MPPED1: variants seen among roughly 807,000 people sequenced by gnomAD.
MPPED1 encodes metallophosphoesterase domain-containing protein 1.
In MPPED1, 16 loss-of-function variants were observed where a neutral mutation model predicts 36.2. The ratio of observed to expected loss-of-function variants is 0.44; its 90% CI spans 0.30 to 0.67. MPPED1 has a LOEUF of 0.67. MPPED1 is among the 30% of genes least tolerant of loss of function. MPPED1 has a pLI of 0.10. For synonymous variants in MPPED1, 199 were observed against 191.3 expected (o/e 1.04, Z -0.33); for missense variants, 307 against 453.4 (o/e 0.68, Z 2.93).
chr22:43,425,738 C>T (rs771503638), intron 2 of MPPED1, among the ~76,000 whole-genome samples: 6 of 152,262 alleles, frequency 3.9e-5, no homozygotes, highest in Admixed American at 3.9e-4. Context: ...GTTTCCCCTC[C>T]CTGCCCTTCC....
intron 1 of MPPED1, among the ~76,000 whole-genome samples, chr22:43,415,352 G>A (rs1929044231): frequency 6.6e-6 from 1 of 151,872 alleles, no homozygotes; most frequent in East Asian, 1.9e-4. Flanking sequence ...GATTCACCAT[G>A]GTTCTCCCTG....
Position 43,505,664 on chromosome 22 carries a change from C to G in MPPED1, c.*48C>G, listed in dbSNP as rs1360387079. On this transcript the variant is annotated 3_prime_UTR_variant, in exon 7 of 7. Transcript: ENST00000443721. ...TGCCCGCCCGTGTCAGCTCCACAGG[C>G]CTGGCCCGGCCACTGTTCCTTCCAT... 1.3e-6 allele frequency: 2 copies of G among 1,505,066 alleles called. No individual in the cohort carries two copies. The highest frequency in any genetic ancestry group is 3.8e-5 in the Admixed American group (2 of 52,656). 93.2% of individuals were successfully genotyped at this position (1,505,066 alleles called of 1,614,324 possible).
intron 2 of MPPED1, among the ~76,000 whole-genome samples, chr22:43,431,061 A>G (rs1422519268): frequency 2.8e-5 from 2 of 72,412 alleles, no homozygotes; most frequent in Non-Finnish European, 5.0e-5. Context: ...TTTTTTTTTT[A>G]GACAGAGTCT....
intron 3 of MPPED1, among the ~76,000 whole-genome samples, chr22:43,453,514 C>T (rs187435435): frequency 1.3e-3 from 196 of 152,160 alleles, no homozygotes; most frequent in African/African-American, 4.7e-3. Flanking sequence ...CCTGCGGCTT[C>T]GTTGTGGGAT....
At chr22:43,432,941 G>A (rs962575997) in intron 2 of MPPED1, among the ~76,000 whole-genome samples, 8 of 149,716 alleles carry the variant, frequency 5.3e-5, no homozygotes, top group Non-Finnish European at 1.0e-4. Flanking sequence ...GGGAAAGAGA[G>A]AGAAAGGGAG....
chr22:43,466,930 T>C (rs1931193329), intron 3 of MPPED1, among the ~76,000 whole-genome samples: 1 of 152,226 alleles, frequency 6.6e-6, no homozygotes, highest in Non-Finnish European at 1.5e-5. Flanking sequence ...GGCTTGCGTT[T>C]TTAGAGAACT....
chr22:43,452,722 G>A (rs1208681438), intron 3 of MPPED1, among the ~76,000 whole-genome samples: 4 of 150,932 alleles, frequency 2.7e-5, no homozygotes, highest in Admixed American at 1.3e-4. Context: ...TCGACTTCCC[G>A]GGCTTCAGCA....
chr22:43,500,940 A>C (rs886668473), intron 5 of MPPED1, among the ~76,000 whole-genome samples: 1 of 152,032 alleles, frequency 6.6e-6, no homozygotes, highest in Non-Finnish European at 1.5e-5. Context: ...TCCCAGGCAG[A>C]GGCCATGGGG....
At chr22:43,478,704 C>A (rs1165003538) in intron 4 of MPPED1, among the ~76,000 whole-genome samples, 1 of 152,128 alleles carries the variant, frequency 6.6e-6, no homozygotes, top group Non-Finnish European at 1.5e-5. Context: ...GACTGGGCAG[C>A]CAGATTGTGT....
At chr22:43,503,105 G>A (rs1274724588) in intron 6 of MPPED1, among the ~76,000 whole-genome samples, 1 of 152,136 alleles carries the variant, frequency 6.6e-6, no homozygotes, top group Non-Finnish European at 1.5e-5. Flanking sequence ...ATTATATTTG[G>A]TGGGCACACC....
At chr22:43,421,438 C>T (rs1234999226) in intron 1 of MPPED1, among the ~76,000 whole-genome samples, 2 of 152,246 alleles carry the variant, frequency 1.3e-5, no homozygotes, top group Admixed American at 6.5e-5. Context: ...TGGTGCAGAG[C>T]GGTTCTCCCT....
At chr22:43,448,634 G>T (rs1055531047) in intron 3 of MPPED1, among the ~76,000 whole-genome samples, 2 of 150,386 alleles carry the variant, frequency 1.3e-5, no homozygotes, top group African/African-American at 2.5e-5. Context: ...ACAGAGTCTC[G>T]CTCTGTCACC....
In MPPED1 at chr22:43,435,579, G is replaced by A. The variant is rs566211905; in HGVS notation, c.406+364G>A. ...CAATAAATAATTGATGAATGAGGCC[G>A]GGTGCAGCAGCTCATGCCTGTAATC... is the stretch of plus-strand genomic sequence containing the variant. On this transcript the variant is annotated intron_variant, in intron 3 of 6. Transcript: ENST00000443721. 9.8e-5 allele frequency among the ~76,000 whole-genome samples: 15 copies of A among 152,312 alleles called. No individual in the cohort carries two copies. In the South Asian group the frequency reaches 2.7e-3, roughly 27 times the overall value.
At chr22:43,450,596 G>A (rs1930529577) in intron 3 of MPPED1, among the ~76,000 whole-genome samples, 1 of 152,164 alleles carries the variant, frequency 6.6e-6, no homozygotes, top group Admixed American at 6.5e-5. Context: ...GGGTGATCTG[G>A]GCTCATCATA....
intron 4 of MPPED1, among the ~76,000 whole-genome samples, chr22:43,484,715 A>G (rs1190050835): frequency 6.6e-6 from 1 of 151,990 alleles, no homozygotes; most frequent in Non-Finnish European, 1.5e-5. Context: ...GAATTGCCCC[A>G]CCTGCTTAGG....
At chr22:43,415,225 CAAAAAAAAAA>C (rs34357060) in intron 1 of MPPED1, among the ~76,000 whole-genome samples, 3 of 49,414 alleles carry the variant, frequency 6.1e-5, no homozygotes, top group Non-Finnish European at 1.1e-4. Flanking sequence ...ATGTCAAAAG[CAAAAAAAAAA>C]AAAAAAAAAA....
intron 4 of MPPED1, among the ~76,000 whole-genome samples, chr22:43,481,813 G>C (rs1219981491): frequency 6.6e-6 from 1 of 152,178 alleles, no homozygotes; most frequent in Non-Finnish European, 1.5e-5. Context: ...CCTGGATCTT[G>C]GGCCCTGCCC....
At chr22:43,477,302 C>T (rs1274927201) in intron 4 of MPPED1, among the ~76,000 whole-genome samples, 1 of 152,228 alleles carries the variant, frequency 6.6e-6, no homozygotes, top group African/African-American at 2.4e-5. Context: ...AGCTGGTGCT[C>T]CTCCTGTTCC....
At chr22:43,423,387 G>A (rs920448898) in intron 1 of MPPED1, among the ~76,000 whole-genome samples, 7 of 152,208 alleles carry the variant, frequency 4.6e-5, no homozygotes, top group African/African-American at 1.7e-4. Context: ...CAGTTCTGTT[G>A]CGTAGCACCT....
Sources: allele counts gnomAD v4.1 joint callset (sites outside exome capture counted in the v4.1 genomes callset), GRCh38; gene constraint gnomAD v4.1.1; transcripts MANE v1.5; gene names NCBI Gene and HGNC (gene_info 2026-07-23, HGNC 2026-07-21).